ADGRL3: variants seen among roughly 807,000 people sequenced by gnomAD.
The protein encoded by ADGRL3 is calcium-independent alpha-latrotoxin receptor 3.
ADGRL3 carries 62 observed loss-of-function variants against 153.5 expected under a neutral mutation model. The ratio of observed to expected loss-of-function variants is 0.40; its 90% CI spans 0.33 to 0.50. The LOEUF (loss-of-function observed/expected upper bound fraction) is 0.50, where lower values mean the gene tolerates loss of function less well. ADGRL3 is among the 20% of genes least tolerant of loss of function. The pLI is 0.47. For synonymous variants in ADGRL3, 710 were observed against 672.5 expected, an observed-to-expected ratio of 1.06 and a Z score of -0.86; for missense variants, 1,641 against 1,859.4, an observed-to-expected ratio of 0.88 and a Z score of 2.16.
intron 8 of ADGRL3, among the ~76,000 whole-genome samples, chr4:61,796,191 C>A (rs774533570): frequency 8.5e-5 from 13 of 152,260 alleles, no homozygotes; most frequent in Non-Finnish European, 1.9e-4. Flanking sequence ...CTTGTGGTCC[C>A]TGTGCTGTGA....
At chr4:61,639,885 C>T (rs752632201) in intron 5 of ADGRL3, among the ~76,000 whole-genome samples, 11 of 152,032 alleles carry the variant, frequency 7.2e-5, no homozygotes, top group Non-Finnish European at 1.5e-4. Context: ...TAGTCTTTCA[C>T]GTTACAAGTT....
At chr4:62,050,445 C>T (rs116668614) in intron 25 of ADGRL3, among the ~76,000 whole-genome samples, 372 of 152,164 alleles carry the variant, frequency 2.4e-3, no homozygotes, top group African/African-American at 8.7e-3. Flanking sequence ...AGGGATGTGG[C>T]TCAGAACCGT....
rs539197752 is a variant in ADGRL3 at position 62,004,358 on chromosome 4, C to T, written c.3395+6093C>T. 4.6e-4 allele frequency among the ~76,000 whole-genome samples: 70 copies of T among 151,932 alleles called. 1 individual carries two copies. The highest frequency in any genetic ancestry group is 6.8e-3 in the Middle Eastern group (2 of 292). ...TTAAGCCTTTATGAGAACAGTAAAT[C>T]TAGCTCTGAGTTGTATAGTAAATAA... On this transcript the variant is annotated intron_variant, in intron 21 of 26. Transcript: ENST00000683033.
intron 17 of ADGRL3, among the ~76,000 whole-genome samples, chr4:61,962,250 AAGAT>A (rs895522937): frequency 3.9e-5 from 6 of 152,158 alleles, no homozygotes; most frequent in Non-Finnish European, 8.8e-5. Context: ...AAAAAAAAGA[AAGAT>A]AGAAAGTAAA....
chr4:61,720,047 A>G (rs970709082), intron 6 of ADGRL3, among the ~76,000 whole-genome samples: 11 of 151,490 alleles, frequency 7.3e-5, no homozygotes, highest in African/African-American at 2.7e-4. Context: ...TCTTAAATAG[A>G]TGACTCTGAG....
intron 2 of ADGRL3, among the ~76,000 whole-genome samples, chr4:61,411,689 T>G (rs2097089967): frequency 6.6e-6 from 1 of 152,202 alleles, no homozygotes; most frequent in South Asian, 2.1e-4. Flanking sequence ...CTCTTAACTT[T>G]ATTAAATTAT....
At position 61,927,546 on chromosome 4, in the gene ADGRL3, T is replaced by G. The variant is rs575492087; in HGVS notation, c.2113-7294T>G. Reference sequence around the variant, plus strand: ...TGTAATATAAAAGGTAGTTCAGAGATTAGTAGTTTTATATACTTAATAATA... The same window carrying G: ...TGTAATATAAAAGGTAGTTCAGAGAGTAGTAGTTTTATATACTTAATAATA... On this transcript the variant is annotated intron_variant, in intron 13 of 26. Coordinates refer to ENST00000683033, the MANE Select transcript of ADGRL3 (RefSeq NM_001387552.1). Among the ~76,000 whole-genome samples, 24 of 152,200 alleles carry G rather than the reference T, an allele frequency of 1.6e-4. No individual in the cohort carries two copies. The East Asian group carries it at 2.5e-3, about 16-fold the overall frequency.
chr4:61,939,390 C>T (rs1434995036), intron 15 of ADGRL3, among the ~76,000 whole-genome samples: 2 of 152,064 alleles, frequency 1.3e-5, no homozygotes, highest in Non-Finnish European at 2.9e-5. Context: ...GTGTCTCTTA[C>T]CAGTCTTCTT....
intron 5 of ADGRL3, among the ~76,000 whole-genome samples, chr4:61,626,883 T>A (rs1461664224): frequency 1.3e-5 from 2 of 152,106 alleles, no homozygotes; most frequent in African/African-American, 4.8e-5. Flanking sequence ...GACTTAGAGG[T>A]AGTGCACAGT....
intron 1 of ADGRL3, among the ~76,000 whole-genome samples, chr4:61,309,258 C>T (rs1294239802): frequency 1.3e-5 from 2 of 152,032 alleles, no homozygotes; most frequent in African/African-American, 2.4e-5. Flanking sequence ...GTTCAATATC[C>T]GAGGTCAGGA....
chr4:61,861,932 T>C (rs1263629581), intron 9 of ADGRL3, among the ~76,000 whole-genome samples: 2 of 152,094 alleles, frequency 1.3e-5, no homozygotes, highest in Non-Finnish European at 2.9e-5. Context: ...AGCTTCTACT[T>C]TCTGAAAGGG....
chr4:61,842,526 T>C (rs2098048345), intron 9 of ADGRL3, among the ~76,000 whole-genome samples: 1 of 152,128 alleles, frequency 6.6e-6, no homozygotes, highest in Admixed American at 6.5e-5. Flanking sequence ...TTCTTCTGCA[T>C]TGGGGTACAA....
chr4:61,228,515 G>A (rs146127329), intron 1 of ADGRL3, among the ~76,000 whole-genome samples: 1 of 152,236 alleles, frequency 6.6e-6, no homozygotes, highest in East Asian at 1.9e-4. Context: ...TATTTATATA[G>A]TAGAGAGTAG....
chr4:61,209,072 T>C (rs1346156801), intron 1 of ADGRL3, among the ~76,000 whole-genome samples: 2 of 152,214 alleles, frequency 1.3e-5, no homozygotes, highest in Non-Finnish European at 1.5e-5. Flanking sequence ...TTATAAGTTA[T>C]ATACATTTTG....
chr4:61,646,652 G>A (rs1225280357), intron 5 of ADGRL3, among the ~76,000 whole-genome samples: 3 of 152,138 alleles, frequency 2.0e-5, no homozygotes, highest in South Asian at 2.1e-4. Context: ...CTCCAGCTGC[G>A]TGCTGGGAGA....
At chr4:61,334,231 A>G (rs1192533351) in intron 1 of ADGRL3, among the ~76,000 whole-genome samples, 1 of 152,002 alleles carries the variant, frequency 6.6e-6, no homozygotes, top group East Asian at 1.9e-4. Flanking sequence ...TTTTTTTTAA[A>G]TGCTTTTTAT....
intron 9 of ADGRL3, among the ~76,000 whole-genome samples, chr4:61,851,876 T>C (rs2098208423): frequency 6.6e-6 from 1 of 152,228 alleles, no homozygotes; most frequent in South Asian, 2.1e-4. Context: ...ACTGTCAATA[T>C]ACGATAATAG....
chr4:61,485,841 G>T (rs1463399362), intron 2 of ADGRL3, among the ~76,000 whole-genome samples: 1 of 151,924 alleles, frequency 6.6e-6, no homozygotes. Flanking sequence ...ACCCTGAAAT[G>T]CATACTGTAG....
At chr4:61,404,413 T>C (rs2152172260) in intron 2 of ADGRL3, among the ~76,000 whole-genome samples, 1 of 152,198 alleles carries the variant, frequency 6.6e-6, no homozygotes, top group African/African-American at 2.4e-5. Flanking sequence ...ACTAGTACCT[T>C]GCTGCTTTCC....
Sources: gnomAD v4.1 joint callset for allele counts (sites outside exome capture counted in the v4.1 genomes callset) on GRCh38, gnomAD v4.1.1 for gene constraint, MANE v1.5 for transcripts, NCBI Gene and HGNC (gene_info 2026-07-23, HGNC 2026-07-21) for gene names.